ARSB: variants seen among roughly 807,000 people sequenced by gnomAD.
ARSB encodes the protein N-acetylgalactosamine-4-sulfatase.
A neutral mutation model predicts 50.9 loss-of-function variants in ARSB; 41 were observed. That is an observed-to-expected ratio of 0.81 (90% CI 0.63 to 1.04). ARSB has a LOEUF of 1.04. ARSB is among the 50% of genes least tolerant of loss of function. The pLI is 0.00. For synonymous variants in ARSB, 269 were observed against 284.8 expected (o/e 0.94, Z 0.56); for missense variants, 672 against 693.3 (o/e 0.97, Z 0.35).
intron 1 of ARSB, among the ~76,000 whole-genome samples, chr5:78,974,455 A>T (rs537607889): frequency 6.6e-6 from 1 of 152,364 alleles, no homozygotes; most frequent in East Asian, 1.9e-4. Flanking sequence ...TATAATTCCA[A>T]AGAAAGCCCA....
intron 6 of ARSB, among the ~76,000 whole-genome samples, chr5:78,818,598 C>CTTTTTTTTTT (rs775162579): frequency 9.4e-5 from 7 of 74,190 alleles, no homozygotes; most frequent in East Asian, 5.1e-4. Context: ...AAATAAAGCT[C>CTTTTTTTTTT]TTTTTTTTTT....
chr5:78,846,586 T>C (rs527412347), intron 5 of ARSB, among the ~76,000 whole-genome samples: 25 of 152,362 alleles, frequency 1.6e-4, no homozygotes, highest in African/African-American at 5.8e-4. Context: ...TACTGATTTC[T>C]GTATGTTGAT....
intron 6 of ARSB, among the ~76,000 whole-genome samples, chr5:78,834,817 A>G (rs1744874360): frequency 6.6e-6 from 1 of 151,474 alleles, no homozygotes; most frequent in Admixed American, 6.6e-5. Context: ...GGATTGCTGG[A>G]TCCTATGATA....
intron 4 of ARSB, among the ~76,000 whole-genome samples, chr5:78,920,425 T>C (rs1291511643): frequency 6.6e-6 from 1 of 152,026 alleles, no homozygotes; most frequent in African/African-American, 2.4e-5. Flanking sequence ...CTGGATGAAG[T>C]CATTTATCTG....
intron 4 of ARSB, among the ~76,000 whole-genome samples, chr5:78,893,931 T>TA (rs1748451112): frequency 6.6e-6 from 1 of 152,274 alleles, no homozygotes; most frequent in Admixed American, 6.5e-5. Context: ...TGATATTTTT[T>TA]ACTAATGGAT....
At chr5:78,848,024 T>C (rs966559255) in intron 5 of ARSB, among the ~76,000 whole-genome samples, 1 of 151,552 alleles carries the variant, frequency 6.6e-6, no homozygotes, top group African/African-American at 2.4e-5. Context: ...CATCGATCTT[T>C]TGTATTATTT....
intron 6 of ARSB, among the ~76,000 whole-genome samples, chr5:78,789,762 G>A (rs79013186): frequency 1.5e-3 from 223 of 152,302 alleles, no homozygotes; most frequent in African/African-American, 5.2e-3. Flanking sequence ...TAATACAGAT[G>A]AGGCATTGTT....
chr5:78,870,933 A>T (rs1747130379), intron 5 of ARSB, among the ~76,000 whole-genome samples: 1 of 152,178 alleles, frequency 6.6e-6, no homozygotes, highest in African/African-American at 2.4e-5. Context: ...CTCAGCCCCA[A>T]ATCTCCTTAA....
At chr5:78,932,987 A>G (rs1259379701) in intron 4 of ARSB, among the ~76,000 whole-genome samples, 1 of 152,174 alleles carries the variant, frequency 6.6e-6, no homozygotes, top group Non-Finnish European at 1.5e-5. Context: ...GTCATTGTCA[A>G]TGTCACACCA....
chr5:78,781,504 A>C (rs905937103), intron 7 of ARSB, among the ~76,000 whole-genome samples: 4 of 152,184 alleles, frequency 2.6e-5, no homozygotes, highest in Middle Eastern at 3.4e-3. Context: ...GAAGCTGTGT[A>C]ATTGGGAACA....
intron 5 of ARSB, among the ~76,000 whole-genome samples, chr5:78,873,523 T>G (rs1747329894): frequency 1.2e-5 from 1 of 80,922 alleles, no homozygotes; most frequent in Admixed American, 1.4e-4. Context: ...TGAGACGGAG[T>G]CTCGCTCTGT....
chr5:78,962,351 T>C (rs1376267217), intron 3 of ARSB, among the ~76,000 whole-genome samples: 2 of 152,288 alleles, frequency 1.3e-5, no homozygotes, highest in South Asian at 4.1e-4. Context: ...TTTGTTTAGA[T>C]TTAAATTTAA....
Position 78,964,445 on chromosome 5 carries a change from CTATAGCCCTTTTGG to C in ARSB, c.647_660del (p.Thr216SerfsTer5). Reference sequence around the variant, plus strand: ...TCTGGTGGATGGTTAGTTATGAGGGCTATAGCCCTTTTGGTGAATATGTTTGTTGAATACATATT... The same window carrying C: ...TCTGGTGGATGGTTAGTTATGAGGGCTGAATATGTTTGTTGAATACATATT... On this transcript the variant is annotated frameshift_variant, in exon 3 of 8. Transcript: ENST00000264914. LOFTEE classifies it high-confidence loss of function. The C allele has an allele frequency of 6.2e-7, 1 of 1,614,008 alleles. No homozygotes were observed. Among genetic ancestry groups the C allele is most frequent in the Non-Finnish European group, 8.5e-7 (1 of 1,179,912 alleles).
intron 4 of ARSB, among the ~76,000 whole-genome samples, chr5:78,945,407 G>T (rs1751176600): frequency 6.6e-6 from 1 of 152,084 alleles, no homozygotes; most frequent in African/African-American, 2.4e-5. Flanking sequence ...TTCCTATTCG[G>T]CCATCTTGGC....
intron 5 of ARSB, among the ~76,000 whole-genome samples, chr5:78,850,725 C>G (rs1213636675): frequency 6.6e-6 from 1 of 152,280 alleles, no homozygotes; most frequent in Non-Finnish European, 1.5e-5. Flanking sequence ...TGATTATTGT[C>G]ACAATTTCAG....
intron 1 of ARSB, 25 bp downstream of exon 1, chr5:78,984,912 C>T (rs1753089013): frequency 1.5e-6 from 2 of 1,303,106 alleles, no homozygotes; most frequent in Admixed American, 3.9e-5. Flanking sequence ...GCGGGGGCGG[C>T]GCGGGCGGCG....
At chr5:78,806,497 T>C (rs1398437556) in intron 6 of ARSB, among the ~76,000 whole-genome samples, 2 of 152,248 alleles carry the variant, frequency 1.3e-5, no homozygotes, top group Non-Finnish European at 2.9e-5. Flanking sequence ...ATTACAGGAT[T>C]GATGCTTTCA....
intron 6 of ARSB, among the ~76,000 whole-genome samples, chr5:78,799,171 A>C (rs772489485): frequency 6.6e-6 from 1 of 152,244 alleles, no homozygotes; most frequent in Non-Finnish European, 1.5e-5. Context: ...CTTAGAATGA[A>C]ATATGAAGGA....
At chr5:78,968,952 T>G in intron 2 of ARSB, 54 bp downstream of exon 2, 16 of 1,587,146 alleles carry the variant, frequency 1.0e-5, no homozygotes, top group Non-Finnish European at 1.3e-5. Flanking sequence ...GTGTGTTTTA[T>G]GAGATGGCTG....
Sources: gnomAD v4.1 joint callset for allele counts (sites outside exome capture counted in the v4.1 genomes callset) on GRCh38, gnomAD v4.1.1 for gene constraint, MANE v1.5 for transcripts, NCBI Gene and HGNC (gene_info 2026-07-23, HGNC 2026-07-21) for gene names.